Variants in CLSTN1 observed in about 807,000 individuals in gnomAD.
The protein encoded by CLSTN1 is calsyntenin-1.
CLSTN1 carries 28 observed loss-of-function variants against 108.3 expected under a neutral mutation model. The observed-to-expected ratio is 0.26, with a 90% confidence interval of 0.19 to 0.35. CLSTN1 has a LOEUF of 0.35. Ranked by LOEUF, CLSTN1 falls within the 10% of genes least tolerant of loss-of-function variation. CLSTN1 has a pLI of 1.00. For synonymous variants in CLSTN1, 524 were observed against 534.9 expected, an observed-to-expected ratio of 0.98 and a Z score of 0.28; for missense variants, 1,157 against 1,302.6, an observed-to-expected ratio of 0.89 and a Z score of 1.72.
chr1:9,742,506 T>C (rs1029452753), intron 9 of CLSTN1, among the ~76,000 whole-genome samples: 1 of 152,198 alleles, frequency 6.6e-6, no homozygotes, highest in Non-Finnish European at 1.5e-5. Flanking sequence ...TTTTAAACAG[T>C]ATATACTTAG....
chr1:9,772,723 A>G (rs1354007625), intron 2 of CLSTN1, among the ~76,000 whole-genome samples: 1 of 152,230 alleles, frequency 6.6e-6, no homozygotes, highest in Admixed American at 6.5e-5. Flanking sequence ...CTGAGGCTAC[A>G]ATCTCATGTC....
chr1:9,738,622 C>T (rs1040294882), intron 10 of CLSTN1, among the ~76,000 whole-genome samples: 3 of 152,216 alleles, frequency 2.0e-5, no homozygotes, highest in African/African-American at 7.2e-5. Flanking sequence ...ATCCTCTCTC[C>T]TGTTAACTGA....
At chr1:9,750,578 G>T (rs925112252) in intron 5 of CLSTN1, among the ~76,000 whole-genome samples, 2 of 152,032 alleles carry the variant, frequency 1.3e-5, no homozygotes, top group Non-Finnish European at 2.9e-5. Context: ...TGGGACTACA[G>T]GTGTGTGCCT....
At chr1:9,732,870 T>C (rs1320211140) in intron 16 of CLSTN1, among the ~76,000 whole-genome samples, 9 of 152,226 alleles carry the variant, frequency 5.9e-5, no homozygotes, top group Non-Finnish European at 1.2e-4. Flanking sequence ...AGAGAACTTT[T>C]GGTTCCCTGG....
At position 9,741,297 on chromosome 1, in the gene CLSTN1, C is replaced by T. The variant is rs753716256; in HGVS notation, c.1357-41G>A. The T allele has an allele frequency of 1.9e-6, 3 of 1,566,404 alleles. No homozygotes were observed. The Admixed American group carries it at 5.2e-5, about 27-fold the overall frequency. On this transcript the variant is annotated intron_variant, in intron 9 of 18. Transcript: ENST00000377298. ...GAAGCGGGGAGGTGTGAGATGTCCACTTTCCTTCTCATCAATGCCCATGGA... is the reference window on the plus strand; with the variant it reads ...GAAGCGGGGAGGTGTGAGATGTCCATTTTCCTTCTCATCAATGCCCATGGA...
At chr1:9,749,439 C>T in intron 7 of CLSTN1, 22 bp downstream of exon 7, 1 of 1,585,802 alleles carries the variant, frequency 6.3e-7, no homozygotes, top group Non-Finnish European at 8.6e-7. Context: ...CAGCCGGATG[C>T]AAGAACGCCT....
In CLSTN1 at chr1:9,734,965, C is replaced by T; in HGVS notation, c.2093G>A (p.Gly698Glu). ...ITREVEPEGDGAEDPTVQESL... is the reference protein window; with the variant it reads ...ITREVEPEGDEAEDPTVQESL... The stretch of plus-strand genomic sequence containing the variant: ...CACATTACCTGTGGGGTCCTCAGCC[C>T]CGTCCCCTTCAGGCTCCACTTCTCT... The change falls in exon 14 of 19, where the codon GGG becomes GAG. Residue 698 changes from glycine (G) to glutamate (E), a missense_variant. Transcript: ENST00000377298. The surrounding 1 kb of genome is among the most constrained non-coding windows in gnomAD (Gnocchi z 4.8). 1 of 1,614,156 alleles carries T rather than the reference C, an allele frequency of 6.2e-7. No homozygotes were observed. Among genetic ancestry groups the T allele is most frequent in the Non-Finnish European group, 8.5e-7 (1 of 1,180,016 alleles).
At chr1:9,824,092 G>A (rs1570537670), upstream of CLSTN1, 2 of 146,684 alleles carry the variant, frequency 1.4e-5, no homozygotes, top group African/African-American at 4.9e-5. This position sits in a 1 kb window ranked among gnomAD's most constrained non-coding sequence, Gnocchi z 5.0. Context: ...CGCGGGCCCG[G>A]GAGGGGCGGG....
intron 1 of CLSTN1, among the ~76,000 whole-genome samples, chr1:9,802,625 G>A (rs2101277426): frequency 6.6e-6 from 1 of 152,182 alleles, no homozygotes; most frequent in African/African-American, 2.4e-5. Context: ...TAGGGAAACA[G>A]GGTTAAAGAC....
intron 11 of CLSTN1, among the ~76,000 whole-genome samples, chr1:9,736,705 A>T (rs917913517): frequency 6.6e-6 from 1 of 152,194 alleles, no homozygotes; most frequent in Non-Finnish European, 1.5e-5. Flanking sequence ...AAAAGGGACA[A>T]ATTTTCAGCA....
At chr1:9,789,406 C>T (rs779993629) in intron 1 of CLSTN1, among the ~76,000 whole-genome samples, 1 of 151,376 alleles carries the variant, frequency 6.6e-6, no homozygotes, top group Non-Finnish European at 1.5e-5. Context: ...TGCTTTATAT[C>T]AAGTAATTTT....
chr1:9,735,432 G>A, intron 13 of CLSTN1, 35 bp downstream of exon 13: 9 of 1,613,948 alleles, frequency 5.6e-6, no homozygotes, highest in Non-Finnish European at 6.8e-6. Flanking sequence ...GTGTCATTGG[G>A]CAAAACAGGC....
chr1:9,743,748 G>C (rs1651098287), intron 9 of CLSTN1, 136 bp downstream of exon 9: 34 of 915,310 alleles, frequency 3.7e-5, no homozygotes, highest in Non-Finnish European at 5.5e-5. Context: ...GTAGGGACAG[G>C]ATCTTAGTAA....
chr1:9,777,823 C>A (rs138580897), intron 1 of CLSTN1, among the ~76,000 whole-genome samples: 2 of 152,098 alleles, frequency 1.3e-5, no homozygotes, highest in Non-Finnish European at 2.9e-5. Flanking sequence ...GATGAGAAAA[C>A]GGCAAATAAT....
At chr1:9,802,362 G>A (rs968912987) in intron 1 of CLSTN1, among the ~76,000 whole-genome samples, 1 of 152,186 alleles carries the variant, frequency 6.6e-6, no homozygotes, top group Non-Finnish European at 1.5e-5. Flanking sequence ...GTCAAAAGCT[G>A]CCCCAGCCAG....
chr1:9,783,256 G>T (rs553318293), intron 1 of CLSTN1, among the ~76,000 whole-genome samples: 1 of 152,252 alleles, frequency 6.6e-6, no homozygotes, highest in Admixed American at 6.5e-5. Flanking sequence ...AAACCTGATT[G>T]TAAGTAAAGA....
intron 1 of CLSTN1, among the ~76,000 whole-genome samples, chr1:9,816,247 A>C (rs1654964428): frequency 6.6e-6 from 1 of 152,204 alleles, no homozygotes; most frequent in African/African-American, 2.4e-5. Context: ...TAAGCAAAAG[A>C]AGCTAGTCAC....
rs762095639 is a variant in CLSTN1, at chr1:9,744,594, G to T, written c.1035C>A (p.Leu345=). ...CGGTGGGCAGGCCCATGGTCCAGTT[G>T]AGGGATCCACTCGGGGATGGCAGCA... ...AELLPSPSGS[L]NWTMGLPTDN... Residue 345 remains leucine (L), a synonymous_variant, in exon 8 of 19, where the codon CTC becomes CTA. Transcript: ENST00000377298. The T allele has an allele frequency of 2.5e-6, 4 of 1,613,526 alleles. No homozygotes were observed. In the Admixed American group the frequency reaches 6.7e-5, roughly 27 times the overall value.
intron 1 of CLSTN1, among the ~76,000 whole-genome samples, chr1:9,814,292 GT>G (rs1194391592): frequency 1.3e-5 from 2 of 149,010 alleles, no homozygotes; most frequent in African/African-American, 4.9e-5. Flanking sequence ...TGTGTCTGTA[GT>G]TCCAGCTATT....
Sources: allele counts gnomAD v4.1 joint callset (sites outside exome capture counted in the v4.1 genomes callset), GRCh38; gene constraint gnomAD v4.1.1; non-coding constraint Gnocchi (gnomAD v3.1); transcripts MANE v1.5; gene names NCBI Gene and HGNC (gene_info 2026-07-23, HGNC 2026-07-21).